The following CNTNAP1 variants were observed in gnomAD, a reference collection of about 807,000 sequenced individuals.
CNTNAP1 encodes the protein contactin associated protein 1.
In CNTNAP1, 80 loss-of-function variants were observed where a neutral mutation model predicts 161.5. That is an observed-to-expected ratio of 0.50 (90% CI 0.41 to 0.60). The LOEUF is 0.60. Ranked by LOEUF, CNTNAP1 falls within the 20% of genes least tolerant of loss-of-function variation. The pLI, the probability that CNTNAP1 is intolerant of heterozygous loss-of-function variation, is 0.00. For missense variants in CNTNAP1, 1,464 were observed against 1,854.8 expected (o/e 0.79, Z 3.87); for synonymous variants, 695 against 733.1 (o/e 0.95, Z 0.84).
Position 42,690,523 on chromosome 17 carries a change from C to CAA in CNTNAP1, c.1856-198_1856-197dup, listed in dbSNP as rs374434783. Reference sequence around the variant, plus strand: ...TGGGCAACAGAGCGAGACTTCATCTCAAAAAAAAAAAAAAAAAAAGTATAT... The same window carrying CAA: ...TGGGCAACAGAGCGAGACTTCATCTCAAAAAAAAAAAAAAAAAAAAAGTATAT... On this transcript the variant is annotated intron_variant, in intron 12 of 23. Transcript: ENST00000264638. 0.061 allele frequency among the ~76,000 whole-genome samples: 6,474 copies of CAA among 106,574 alleles called. 288 individuals are homozygous for CAA. Among genetic ancestry groups the CAA allele is most frequent in the East Asian group, 0.2 (736 of 3,662 alleles). The allele number at this position is 106,574 out of a possible 152,430, so 69.9% of individuals were successfully genotyped here.
Position 42,690,618 on chromosome 17 carries a change from G to A in CNTNAP1, c.1856-121G>A, listed in dbSNP as rs577230569. On this transcript the variant is annotated intron_variant, in intron 12 of 23. Transcript: ENST00000264638. ...ATGCAGAGTGCCCAGGGCAGAGGTG[G>A]AATGGAGCTGCTGGCCACGTTCAGT... 4.5e-5 allele frequency: 42 copies of A among 924,150 alleles called. No homozygotes were observed. The South Asian group carries it at 6.1e-4, about 13-fold the overall frequency. 57.2% of individuals were successfully genotyped at this position (924,150 alleles called of 1,614,324 possible).
chr17:42,683,221 A>T, intron 1 of CNTNAP1: 1 of 510,718 alleles, frequency 2.0e-6, no homozygotes, highest in Non-Finnish European at 3.1e-6. Context: ...TACTAGGATT[A>T]AGGTTTTGCC....
intron 23 of CNTNAP1, 139 bp downstream of exon 23, chr17:42,698,089 C>T: frequency 1.0e-6 from 1 of 981,472 alleles, no homozygotes; most frequent in South Asian, 1.4e-5. Context: ...ATGAGACAGG[C>T]TATGCTGAAG....
At chr17:42,692,043 G>GGGAGACAGGGGTAGGCTGGGGTT (rs2143665731) in intron 16 of CNTNAP1, 52 bp downstream of exon 16, 1 of 1,574,442 alleles carries the variant, frequency 6.4e-7, no homozygotes. Context: ...GTGCTGTCTG[G>GGGAGACAGGGGTAGGCTGGGGTT]GGAGACAGGG....
chr17:42,684,926 AAAAAT>A, intron 3 of CNTNAP1, 60 bp from the exon 4 acceptor site: 3 of 1,569,422 alleles, frequency 1.9e-6, no homozygotes, highest in East Asian at 4.5e-5. Flanking sequence ...CTCTGTCTCA[AAAAAT>A]AAAATAAAAA....
Position 42,687,779 on chromosome 17 carries a change from T to C in CNTNAP1, c.1104T>C (p.Pro368=). Residue 368 remains proline, a synonymous_variant, in exon 8 of 24, where the codon CCT becomes CCC. Transcript: ENST00000264638. This position sits in a 1 kb window ranked among gnomAD's most constrained non-coding sequence, Gnocchi z 4.7. ...PVPHPINFGG[P]HNFVQVPGFP... The stretch of plus-strand genomic sequence containing the variant: ...CGCACCCTATCAACTTCGGAGGCCC[T>C]CACAACTTCGTTCAAGTGCCCGGTT... 1 of 1,614,186 alleles carries C rather than the reference T, an allele frequency of 6.2e-7. No homozygotes were observed. Among genetic ancestry groups the C allele is most frequent in the South Asian group, 1.1e-5 (1 of 91,080 alleles).
chr17:42,691,124 A>G lies in CNTNAP1; in HGVS notation c.2060-13A>G. On this transcript the variant is annotated splice_polypyrimidine_tract_variant and intron_variant, in intron 13 of 23. Transcript: ENST00000264638. The surrounding 1 kb of genome is among the most constrained non-coding windows in gnomAD (Gnocchi z 4.3). ...GGGACAGGGCCTGGAAGCTGCCTGCACCTCTTCCCCAGGAGGCTACCCCTA... is the reference window on the plus strand; with the variant it reads ...GGGACAGGGCCTGGAAGCTGCCTGCGCCTCTTCCCCAGGAGGCTACCCCTA... The G allele has an allele frequency of 6.2e-7, 1 of 1,613,046 alleles. No homozygotes were observed. Among genetic ancestry groups the G allele is most frequent in the Non-Finnish European group, 8.5e-7 (1 of 1,179,606 alleles).
Position 42,691,719 on chromosome 17 carries a change from C to A in CNTNAP1, c.2345-87C>A. 6.8e-7 allele frequency: 1 copy of A among 1,476,534 alleles called. No individual in the cohort carries two copies. Among genetic ancestry groups the A allele is most frequent in the South Asian group, 1.2e-5 (1 of 82,476 alleles). 91.5% of individuals were successfully genotyped at this position (1,476,534 alleles called of 1,614,324 possible). ...TCACCTCAAACCCTCCCCCTTTGCCCAACCTTCCCTGCCCCCAACCCCAGG... is the reference window on the plus strand; with the variant it reads ...TCACCTCAAACCCTCCCCCTTTGCCAAACCTTCCCTGCCCCCAACCCCAGG... On this transcript the variant is annotated intron_variant, in intron 15 of 23. Transcript: ENST00000264638. This position sits in a 1 kb window ranked among gnomAD's most constrained non-coding sequence, Gnocchi z 4.3.
chr17:42,696,283 C>A, intron 20 of CNTNAP1, 131 bp downstream of exon 20: 2 of 1,148,642 alleles, frequency 1.7e-6, no homozygotes, highest in Non-Finnish European at 2.4e-6. Flanking sequence ...ACGTGTGTCA[C>A]CTCATGTAAC....
chr17:42,684,786 C>A (rs1006001256), intron 3 of CNTNAP1, among the ~76,000 whole-genome samples: 1 of 152,072 alleles, frequency 6.6e-6, no homozygotes, highest in Non-Finnish European at 1.5e-5. Flanking sequence ...ATCAGCCGGG[C>A]GTAGTGGCGG....
At chr17:42,683,630 G>A (rs893175352) in intron 1 of CNTNAP1, 191 bp from the exon 2 acceptor site, 71 of 1,428,536 alleles carry the variant, frequency 5.0e-5, no homozygotes, top group Non-Finnish European at 6.4e-5. Flanking sequence ...GAAGGAGAAG[G>A]TAGCCTCCTC....
chr17:42,685,226 T>TAG lies in CNTNAP1; in HGVS notation c.522_523insGA (p.Leu175AspfsTer50). On this transcript the variant is annotated frameshift_variant, in exon 5 of 24. Coordinates refer to ENST00000264638, the MANE Select transcript of CNTNAP1 (RefSeq NM_003632.3). LOFTEE classifies it high-confidence loss of function. The surrounding 1 kb of genome is among the most constrained non-coding windows in gnomAD (Gnocchi z 5.0). The stretch of plus-strand genomic sequence containing the variant: ...ACGGTCCTTTGCGCAGAGGCCGACA[T>TAG]ACTCTATTTCGACGGCGACGATGCC... The TAG allele has an allele frequency of 1.9e-6, 3 of 1,613,648 alleles. No homozygotes were observed. Among genetic ancestry groups the TAG allele is most frequent in the Non-Finnish European group, 2.5e-6 (3 of 1,180,026 alleles).
In CNTNAP1 at chr17:42,690,903, G is replaced by A. The variant is rs947366339; in HGVS notation, c.2020G>A (p.Glu674Lys). Residue 674 changes from glutamate to lysine, a missense_variant, in exon 13 of 24, where the codon GAG (glutamate) becomes AAG (lysine). By Grantham distance (56) the Glu-to-Lys change is moderately conservative (BLOSUM62 1). Transcript: ENST00000264638. ...NASQHCEQWI[E>K]FSCYNSRLLN... ...TTCCCAGCATTGTGAACAGTGGATCGAGTTCTCCTGCTACAATTCCCGGCT... is the reference window on the plus strand; with the variant it reads ...TTCCCAGCATTGTGAACAGTGGATCAAGTTCTCCTGCTACAATTCCCGGCT... 1.9e-6 allele frequency: 3 copies of A among 1,614,162 alleles called. No individual in the cohort carries two copies. The highest frequency in any genetic ancestry group is 1.3e-5 in the African/African-American group (1 of 75,028).
rs760779060 is a variant in CNTNAP1, at chr17:42,692,668, T to C, written c.2700T>C (p.Pro900=). Residue 900 remains proline (P), a synonymous_variant, in exon 17 of 24, where the codon CCT becomes CCC. Transcript: ENST00000264638. ...RVDHRPWVLR[P]MPLQTYIWME... ...ATCACCGGCCCTGGGTTCTGCGGCC[T>C]ATGCCACTGCAGACCTACATCTGGA... 1.2e-6 allele frequency: 2 copies of C among 1,614,072 alleles called. No individual in the cohort carries two copies. The highest frequency in any genetic ancestry group is 1.7e-6 in the Non-Finnish European group (2 of 1,180,036).
chr17:42,689,115 G>T, intron 10 of CNTNAP1, 68 bp downstream of exon 10: 1 of 1,450,672 alleles, frequency 6.9e-7, no homozygotes, highest in Non-Finnish European at 9.3e-7. Context: ...CAGTAGGAAT[G>T]GCCTCTTTCA....
At chr17:42,689,726 C>A in intron 11 of CNTNAP1, 99 bp downstream of exon 11, 1 of 970,228 alleles carries the variant, frequency 1.0e-6, no homozygotes, top group Non-Finnish European at 1.6e-6. Context: ...GATGGCCCTT[C>A]CAGCCCTCTC....
At chr17:42,695,901 C>G (rs538652220) in intron 19 of CNTNAP1, 27 bp downstream of exon 19, 22 of 1,602,072 alleles carry the variant, frequency 1.4e-5, no homozygotes, top group Admixed American at 6.7e-5. Flanking sequence ...TCTCTCACCC[C>G]ACTCCAGCTT....
rs954192105 is a variant in CNTNAP1 at position 42,685,242 on chromosome 17, C to T, written c.537C>T (p.Gly179=). Residue 179 remains glycine, a synonymous_variant, in exon 5 of 24, where the codon GGC becomes GGT. Coordinates refer to ENST00000264638, the MANE Select transcript of CNTNAP1 (RefSeq NM_003632.3). This position sits in a 1 kb window ranked among gnomAD's most constrained non-coding sequence, Gnocchi z 5.0. ...AGGCCGACATACTCTATTTCGACGG[C>T]GACGATGCCATCTCCTACCGCTTCC... is the stretch of plus-strand genomic sequence containing the variant. ...PYKADILYFD[G]DDAISYRFPR... 1.2e-6 allele frequency: 2 copies of T among 1,613,770 alleles called. No homozygotes were observed. Among genetic ancestry groups the T allele is most frequent in the Non-Finnish European group, 1.7e-6 (2 of 1,180,038 alleles).
rs1222639040 is a variant in CNTNAP1, at chr17:42,696,195, T to C, written c.3474+43T>C. ...TGAGCCAGTTCAGATCATAACCTCA[T>C]GGTCTCCGTTGTGGCATCCAGGAAA... On this transcript the variant is annotated intron_variant, in intron 20 of 23. Transcript: ENST00000264638. 3.7e-6 allele frequency: 6 copies of C among 1,609,646 alleles called. No individual in the cohort carries two copies. The Admixed American group carries it at 1.0e-4, about 27-fold the overall frequency.
Sources: allele counts gnomAD v4.1 joint callset (sites outside exome capture counted in the v4.1 genomes callset), GRCh38; gene constraint gnomAD v4.1.1; non-coding constraint Gnocchi (gnomAD v3.1); transcripts MANE v1.5; gene names NCBI Gene and HGNC (gene_info 2026-07-23, HGNC 2026-07-21).